The following UTS2 variants were observed in gnomAD, a reference collection of about 807,000 sequenced individuals.
The protein encoded by UTS2 is urotensin 2.
A neutral mutation model predicts 12.6 loss-of-function variants in UTS2; 10 were observed. That is an observed-to-expected ratio of 0.80 (90% confidence interval 0.49 to 1.35). UTS2 has a LOEUF of 1.35. UTS2 is among the 40% of genes most tolerant of loss of function. The pLI, the probability that UTS2 is intolerant of heterozygous loss-of-function variation, is 0.00. For missense variants in UTS2, 142 were observed against 143.2 expected, an observed-to-expected ratio of 0.99 and a Z score of 0.04; for synonymous variants, 52 against 50.0, an observed-to-expected ratio of 1.04 and a Z score of -0.17.
At chr1:7,877,377 C>T in the UTS2 span, among the ~76,000 whole-genome samples, 20,933 of 151,822 alleles carry the variant, frequency 0.14, 1,847 homozygotes, top group Non-Finnish European at 0.18. Context: ...GATCTGAATG[C>T]GAAATTCAAC....
chr1:7,885,739 C>T, the UTS2 span, among the ~76,000 whole-genome samples: 2 of 151,736 alleles, frequency 1.3e-5, no homozygotes, highest in Non-Finnish European at 2.9e-5. Context: ...ATGGGCATGG[C>T]CTAGGGTGGT....
the UTS2 span, among the ~76,000 whole-genome samples, chr1:7,896,726 C>T: frequency 7.3e-5 from 11 of 151,564 alleles, no homozygotes; most frequent in South Asian, 1.0e-3. Context: ...GACAGAGTCC[C>T]GCTCTGTCTC....
chr1:7,893,846 C>T, the UTS2 span, among the ~76,000 whole-genome samples: 1 of 152,202 alleles, frequency 6.6e-6, no homozygotes, highest in African/African-American at 2.4e-5. Flanking sequence ...TCCTTCTCTC[C>T]CTCACCTTGA....
At chr1:7,877,736 G>A in the UTS2 span, among the ~76,000 whole-genome samples, 1 of 152,094 alleles carries the variant, frequency 6.6e-6, no homozygotes, top group Non-Finnish European at 1.5e-5. Flanking sequence ...AGCTGGGCAT[G>A]GTGGCATGTG....
At chr1:7,883,864 G>T in the UTS2 span, among the ~76,000 whole-genome samples, 1 of 151,254 alleles carries the variant, frequency 6.6e-6, no homozygotes, top group Non-Finnish European at 1.5e-5. Context: ...TTTTGAGATG[G>T]AGTTTTGCTC....
chr1:7,850,983 C>T (rs1244886012), intron 1 of UTS2, 61 bp from the exon 2 acceptor site: 2 of 1,548,200 alleles, frequency 1.3e-6, no homozygotes, highest in Non-Finnish European at 1.8e-6. Flanking sequence ...ATTTCTGTTC[C>T]TTGTGTCTTT....
At chr1:7,853,343 G>C (rs755789170), upstream of UTS2, 8 of 1,614,186 alleles carry the variant, frequency 5.0e-6, no homozygotes, top group East Asian at 1.8e-4. Context: ...GCTTGGATAT[G>C]AGTTGAAGTG....
chr1:7,856,866 G>C (rs1638319878), upstream of UTS2, among the ~76,000 whole-genome samples: 1 of 152,088 alleles, frequency 6.6e-6, no homozygotes, highest in Admixed American at 6.6e-5. Context: ...TTTGAGACCA[G>C]CCTGGCCAAT....
At chr1:7,889,547 G>GTAATCCCAGCACTTT in the UTS2 span, among the ~76,000 whole-genome samples, 1 of 152,066 alleles carries the variant, frequency 6.6e-6, no homozygotes, top group Admixed American at 6.5e-5. Flanking sequence ...GCTCATGCCT[G>GTAATCCCAGCACTTT]TAATCCCAGC....
At chr1:7,903,358 C>T in the UTS2 span, among the ~76,000 whole-genome samples, 1 of 139,650 alleles carries the variant, frequency 7.2e-6, no homozygotes, top group African/African-American at 2.7e-5. Context: ...CCTCCTTCCC[C>T]TCCTTCCTTT....
chr1:7,889,075 A>G, the UTS2 span, among the ~76,000 whole-genome samples: 1 of 151,004 alleles, frequency 6.6e-6, no homozygotes, highest in Admixed American at 6.6e-5. Context: ...ATGGCAGTGG[A>G]CTTTTTGATG....
At chr1:7,878,284 G>A in the UTS2 span, among the ~76,000 whole-genome samples, 1 of 152,206 alleles carries the variant, frequency 6.6e-6, no homozygotes, top group African/African-American at 2.4e-5. Context: ...ATCCTTATGG[G>A]ATTCCTACAT....
chr1:7,897,029 AATT>A, the UTS2 span, among the ~76,000 whole-genome samples: 23 of 152,178 alleles, frequency 1.5e-4, no homozygotes, highest in African/African-American at 5.3e-4. Context: ...TTATGTATAA[AATT>A]ATATTTGAGT....
chr1:7,847,653 CAG>C lies in UTS2; in HGVS notation c.*111_*112del, dbSNP rs1578021872. The C allele has an allele frequency of 6.4e-6, 5 of 778,380 alleles. No homozygotes were observed. The East Asian group carries it at 1.3e-4, about 19-fold the overall frequency. 48.2% of individuals were successfully genotyped at this position (778,380 alleles called of 1,614,324 possible). On this transcript the variant is annotated 3_prime_UTR_variant, in exon 4 of 4. Transcript: ENST00000361696. ...GATTTATTTTCCAGGTAACAATGAA[CAG>C]GGTGTAGTTTGCCTAGTTTTTCTCC...
At chr1:7,881,486 C>A in the UTS2 span, among the ~76,000 whole-genome samples, 1 of 151,678 alleles carries the variant, frequency 6.6e-6, no homozygotes, top group Non-Finnish European at 1.5e-5. Flanking sequence ...TCCCATACAC[C>A]AATAATGAAC....
chr1:7,913,175 T>C, the UTS2 span, among the ~76,000 whole-genome samples: 5 of 151,574 alleles, frequency 3.3e-5, no homozygotes, highest in African/African-American at 1.2e-4. Context: ...TGGGACTCTG[T>C]CCTACCTGGG....
chr1:7,904,137 C>A, the UTS2 span, among the ~76,000 whole-genome samples: 1 of 151,548 alleles, frequency 6.6e-6, no homozygotes, highest in Admixed American at 6.6e-5. Flanking sequence ...TGGGGGAGTT[C>A]TAATATAAAT....
chr1:7,893,791 G>A, the UTS2 span, among the ~76,000 whole-genome samples: 2 of 152,162 alleles, frequency 1.3e-5, no homozygotes, highest in Admixed American at 6.5e-5. Flanking sequence ...CATATATTTC[G>A]TCGCACTTTT....
chr1:7,863,002 TGTATTGTATTGTATTGTATTG>T, the UTS2 span, among the ~76,000 whole-genome samples: 3 of 19,616 alleles, frequency 1.5e-4, no homozygotes, highest in South Asian at 4.8e-3. Flanking sequence ...TGTATTGTAT[TGTATTGTATTGTATTGTATTG>T]TATTGTATTG....
Sources: allele counts gnomAD v4.1 joint callset (sites outside exome capture counted in the v4.1 genomes callset), GRCh38; gene constraint gnomAD v4.1.1; transcripts MANE v1.5; gene names NCBI Gene and HGNC (gene_info 2026-07-23, HGNC 2026-07-21).